SPAG16: variants seen among roughly 807,000 people sequenced by gnomAD.
SPAG16 encodes the protein sperm-associated antigen 16 protein.
Under a neutral mutation model 80.4 loss-of-function variants are expected in SPAG16, and 86 were observed. The ratio of observed to expected loss-of-function variants is 1.07; its 90% confidence interval spans 0.90 to 1.28. The LOEUF is 1.28. Among genes scored for constraint, SPAG16 ranks in the 50% most tolerant of loss-of-function variants. SPAG16 has a pLI of 0.00. For synonymous variants in SPAG16, 294 were observed against 265.9 expected (o/e 1.11, Z -1.03); for missense variants, 870 against 765.3 (o/e 1.14, Z -1.61).
At chr2:213,374,914 T>C in intron 8 of SPAG16, 96 bp from the exon 9 acceptor site, 1 of 764,024 alleles carries the variant, frequency 1.3e-6, no homozygotes, top group East Asian at 2.9e-5. Context: ...TAAAAATACA[T>C]GCATCATTGA....
Position 213,537,465 on chromosome 2 carries a change from A to G in SPAG16, c.1070+47375A>G, listed in dbSNP as rs564834511. 5.9e-5 allele frequency among the ~76,000 whole-genome samples: 9 copies of G among 152,096 alleles called. No homozygotes were observed. The South Asian group carries it at 1.9e-3, about 32-fold the overall frequency. ...GTTGTGTTATTTTATTAAAATGATC[A>G]CATTTTTATAATTTAAAAAAAAAAA... On this transcript the variant is annotated intron_variant, in intron 10 of 15. Transcript: ENST00000331683.
chr2:213,438,347 A>T (rs2070754894), intron 9 of SPAG16, among the ~76,000 whole-genome samples: 2 of 152,238 alleles, frequency 1.3e-5, no homozygotes, highest in Admixed American at 6.5e-5. Context: ...CTGATAGGCC[A>T]TGCCTGGTTC....
At chr2:213,677,261 A>C (rs923181031) in intron 10 of SPAG16, among the ~76,000 whole-genome samples, 10 of 152,154 alleles carry the variant, frequency 6.6e-5, no homozygotes, top group Non-Finnish European at 1.5e-4. Flanking sequence ...AAATTCACAC[A>C]TAACAATATT....
rs1056780681 is a variant in SPAG16 at position 213,763,277 on chromosome 2, G to C, written c.1071-99208G>C. Among the ~76,000 whole-genome samples the C allele has an allele frequency of 1.1e-4, 16 of 152,094 alleles. 1 individual carries two copies. The highest frequency in any genetic ancestry group is 2.4e-4 in the Non-Finnish European group (16 of 68,016). ...CATCTGATCCAGCAGTCCCACTTCT[G>C]GGTATTTAGCACTAAGAATTGAAAT... On this transcript the variant is annotated intron_variant, in intron 10 of 15. Coordinates refer to ENST00000331683, the MANE Select transcript of SPAG16 (RefSeq NM_024532.5).
At chr2:214,058,181 C>G (rs970339559) in intron 13 of SPAG16, among the ~76,000 whole-genome samples, 1 of 152,170 alleles carries the variant, frequency 6.6e-6, no homozygotes, top group Admixed American at 6.6e-5. Context: ...AGCTTTCACC[C>G]TGTGTAAGTG....
chr2:214,327,599 C>T (rs1051943117), intron 15 of SPAG16, among the ~76,000 whole-genome samples: 8 of 152,046 alleles, frequency 5.3e-5, no homozygotes, highest in Non-Finnish European at 1.2e-4. Flanking sequence ...TTTGGTTGCT[C>T]GAGTCATCTC....
chr2:213,987,916 A>G (rs919510893), intron 12 of SPAG16, among the ~76,000 whole-genome samples: 3 of 149,712 alleles, frequency 2.0e-5, no homozygotes, highest in African/African-American at 7.3e-5. Flanking sequence ...TATATTTATA[A>G]AATAGATAAA....
At chr2:213,956,044 G>T (rs954536297) in intron 12 of SPAG16, among the ~76,000 whole-genome samples, 2 of 151,612 alleles carry the variant, frequency 1.3e-5, no homozygotes, top group African/African-American at 4.8e-5. Context: ...TGCAATCTCC[G>T]CCTCCCAGGT....
At chr2:213,765,705 T>C (rs1447282504) in intron 10 of SPAG16, among the ~76,000 whole-genome samples, 2 of 152,170 alleles carry the variant, frequency 1.3e-5, no homozygotes, top group African/African-American at 4.8e-5. Flanking sequence ...TCTTTTAAAA[T>C]TAAGACATTT....
intron 10 of SPAG16, among the ~76,000 whole-genome samples, chr2:213,713,275 G>C (rs1179912435): frequency 6.6e-6 from 1 of 152,174 alleles, no homozygotes; most frequent in African/African-American, 2.4e-5. Flanking sequence ...GACACTTCTT[G>C]TGAGGCAGGG....
At chr2:213,552,803 T>A (rs2076823585) in intron 10 of SPAG16, among the ~76,000 whole-genome samples, 1 of 152,150 alleles carries the variant, frequency 6.6e-6, no homozygotes, top group Non-Finnish European at 1.5e-5. Flanking sequence ...GTGGCTAGGA[T>A]GAAAGCAGGC....
chr2:213,309,857 A>G (rs1289197372), intron 3 of SPAG16, among the ~76,000 whole-genome samples: 2 of 152,076 alleles, frequency 1.3e-5, no homozygotes, highest in East Asian at 3.8e-4. Context: ...CCACTTGACT[A>G]ATAGATAGGA....
chr2:214,077,070 A>C (rs890934670), intron 13 of SPAG16, among the ~76,000 whole-genome samples: 1 of 152,222 alleles, frequency 6.6e-6, no homozygotes, highest in African/African-American at 2.4e-5. Flanking sequence ...AAGGGAGGCC[A>C]AGAAGAGATT....
chr2:213,287,559 A>G (rs2062100298), intron 1 of SPAG16, among the ~76,000 whole-genome samples: 1 of 152,190 alleles, frequency 6.6e-6, no homozygotes, highest in African/African-American at 2.4e-5. Flanking sequence ...CAATATGGAC[A>G]TCTGGCTCCT....
At position 213,677,491 on chromosome 2, in the gene SPAG16, T is replaced by G. The variant is rs548424826; in HGVS notation, c.1071-184994T>G. On this transcript the variant is annotated intron_variant, in intron 10 of 15. Coordinates refer to ENST00000331683, the MANE Select transcript of SPAG16 (RefSeq NM_024532.5). Reference sequence around the variant, plus strand: ...TCCTAGTCTCTGATAAAACAGACTTTAAACCAACAAAGATCAAAAGAGACA... The same window carrying G: ...TCCTAGTCTCTGATAAAACAGACTTGAAACCAACAAAGATCAAAAGAGACA... Among the ~76,000 whole-genome samples the G allele has an allele frequency of 2.0e-4, 30 of 152,022 alleles. 1 individual carries two copies. The highest frequency in any genetic ancestry group is 6.3e-4 in the South Asian group (3 of 4,796).
intron 9 of SPAG16, among the ~76,000 whole-genome samples, chr2:213,469,961 T>C (rs1402872618): frequency 6.6e-6 from 1 of 152,136 alleles, no homozygotes; most frequent in African/African-American, 2.4e-5. Flanking sequence ...CTAAGACTTC[T>C]AGACTAGTAG....
At chr2:213,941,761 A>G (rs2079207308) in intron 12 of SPAG16, among the ~76,000 whole-genome samples, 1 of 151,948 alleles carries the variant, frequency 6.6e-6, no homozygotes, top group Admixed American at 6.6e-5. Flanking sequence ...TTATTCATAT[A>G]CTGGCCTCTT....
intron 15 of SPAG16, among the ~76,000 whole-genome samples, chr2:214,369,290 AAAG>A (rs1699669766): frequency 6.6e-6 from 1 of 152,142 alleles, no homozygotes; most frequent in African/African-American, 2.4e-5. Context: ...ATATGAAGAA[AAAG>A]AAGAAGTTTG....
At chr2:213,978,415 T>G (rs979386630) in intron 12 of SPAG16, among the ~76,000 whole-genome samples, 23 of 152,102 alleles carry the variant, frequency 1.5e-4, no homozygotes, top group African/African-American at 4.8e-4. Context: ...GGCAGCCTCC[T>G]CAACGTCAAA....
Sources: allele counts gnomAD v4.1 joint callset (sites outside exome capture counted in the v4.1 genomes callset), GRCh38; gene constraint gnomAD v4.1.1; transcripts MANE v1.5; gene names NCBI Gene and HGNC (gene_info 2026-07-23, HGNC 2026-07-21).